The following EPHA6 variants were observed in gnomAD, a reference collection of about 807,000 sequenced individuals.
EPHA6 encodes EPH receptor A6, also known as ephrin type-A receptor 6.
In EPHA6, 50 loss-of-function variants were observed where a neutral mutation model predicts 112.0. That is an observed-to-expected ratio of 0.45 (90% CI 0.36 to 0.56). The LOEUF (loss-of-function observed/expected upper bound fraction) is 0.56. Among genes scored for constraint, EPHA6 ranks in the 20% least tolerant of loss-of-function variants. EPHA6 has a pLI of 0.00. For synonymous variants in EPHA6, 529 were observed against 490.7 expected, an observed-to-expected ratio of 1.08 and a Z score of -1.03; for missense variants, 1,280 against 1,417.4, an observed-to-expected ratio of 0.90 and a Z score of 1.56.
chr3:97,071,434 A>G (rs1298139753), intron 3 of EPHA6, among the ~76,000 whole-genome samples: 1 of 152,070 alleles, frequency 6.6e-6, no homozygotes, highest in Non-Finnish European at 1.5e-5. Context: ...AAGAGGTTTA[A>G]TTGGACTTAC....
At chr3:97,657,541 T>C (rs2094144464) in intron 14 of EPHA6, among the ~76,000 whole-genome samples, 1 of 151,880 alleles carries the variant, frequency 6.6e-6, no homozygotes, top group South Asian at 2.1e-4. Context: ...TAATCTCAGC[T>C]TGGCCATAAT....
intron 2 of EPHA6, among the ~76,000 whole-genome samples, chr3:96,949,640 A>G (rs1336704022): frequency 6.6e-6 from 1 of 152,182 alleles, no homozygotes; most frequent in Non-Finnish European, 1.5e-5. Flanking sequence ...ATTAAAAGGT[A>G]GGCAATGTGT....
At chr3:96,967,987 T>C (rs1465599147) in intron 2 of EPHA6, among the ~76,000 whole-genome samples, 1 of 151,966 alleles carries the variant, frequency 6.6e-6, no homozygotes, top group East Asian at 1.9e-4. Context: ...CTTTGTCTTC[T>C]GTTATGAGCT....
chr3:97,573,668 G>A (rs1424335912), intron 11 of EPHA6, among the ~76,000 whole-genome samples: 2 of 151,954 alleles, frequency 1.3e-5, no homozygotes, highest in African/African-American at 4.8e-5. Flanking sequence ...ATGTATACAT[G>A]TGCCAGAGAT....
intron 14 of EPHA6, chr3:97,646,263 A>G: frequency 6.5e-7 from 1 of 1,534,488 alleles, no homozygotes; most frequent in East Asian, 2.4e-5. Context: ...CATGGGAGCC[A>G]GTGGCCAGAC....
chr3:97,648,600 T>C, intron 14 of EPHA6: 8 of 1,153,148 alleles, frequency 6.9e-6, no homozygotes, highest in Non-Finnish European at 8.5e-6. Context: ...AGTACTTTCA[T>C]TAACATGAGT....
At chr3:97,146,458 A>G (rs995238572) in intron 3 of EPHA6, among the ~76,000 whole-genome samples, 28 of 151,848 alleles carry the variant, frequency 1.8e-4, no homozygotes, top group African/African-American at 6.5e-4. Context: ...CTTGTTTCCA[A>G]TAATCATAAG....
At chr3:97,073,517 G>T (rs549762696) in intron 3 of EPHA6, among the ~76,000 whole-genome samples, 1 of 152,162 alleles carries the variant, frequency 6.6e-6, no homozygotes, top group East Asian at 1.9e-4. Flanking sequence ...TACTTAGACT[G>T]CACAGGGAAA....
At chr3:97,303,248 A>G (rs1317682510) in intron 5 of EPHA6, among the ~76,000 whole-genome samples, 1 of 152,028 alleles carries the variant, frequency 6.6e-6, no homozygotes, top group African/African-American at 2.4e-5. Flanking sequence ...AGCAAACATT[A>G]TTTAAAATAT....
intron 12 of EPHA6, among the ~76,000 whole-genome samples, chr3:97,596,149 C>A (rs527447031): frequency 6.6e-6 from 1 of 152,170 alleles, no homozygotes; most frequent in African/African-American, 2.4e-5. Context: ...TCATGATCCG[C>A]CCGCCTCTGC....
intron 1 of EPHA6, among the ~76,000 whole-genome samples, chr3:96,829,281 T>C (rs1459133986): frequency 6.6e-6 from 1 of 152,150 alleles, no homozygotes; most frequent in Non-Finnish European, 1.5e-5. Context: ...TTACCCCACA[T>C]AGTCCAGAAG....
chr3:97,760,345 T>C lies in EPHA6; in HGVS notation c.*11644T>C, dbSNP rs1008108012. The C allele has an allele frequency of 1.9e-5, 3 of 157,454 alleles. No homozygotes were observed. The highest frequency in any genetic ancestry group is 4.1e-5 in the Non-Finnish European group (3 of 73,124). The allele number at this position is 157,454 out of a possible 1,614,324, so 9.8% of individuals were successfully genotyped here. The stretch of plus-strand genomic sequence containing the variant: ...TGCTTTGTTTCTGGAGATATATATA[T>C]ATATATTATATATATGTATATATAC... On this transcript the variant is annotated 3_prime_UTR_variant, in exon 18 of 18. Transcript: ENST00000389672.
At chr3:97,660,381 A>G (rs1452774463) in intron 14 of EPHA6, among the ~76,000 whole-genome samples, 1 of 152,114 alleles carries the variant, frequency 6.6e-6, no homozygotes, top group African/African-American at 2.4e-5. Flanking sequence ...CACATTGGAA[A>G]GAAATGAAGT....
intron 6 of EPHA6, among the ~76,000 whole-genome samples, chr3:97,417,391 C>T (rs1032926935): frequency 4.6e-5 from 7 of 151,988 alleles, no homozygotes; most frequent in Non-Finnish European, 5.9e-5. Context: ...CGATTTCTTA[C>T]TCCTGAACTC....
chr3:96,994,709 G>GTGTGTATATATATATATATATA (rs1363786371), intron 3 of EPHA6, among the ~76,000 whole-genome samples: 1 of 98,440 alleles, frequency 1.0e-5, no homozygotes, highest in African/African-American at 5.4e-5. Context: ...GTGTGTGTGT[G>GTGTGTATATATATATATATATA]TATATATATA....
intron 5 of EPHA6, among the ~76,000 whole-genome samples, chr3:97,319,696 AAAC>A (rs2082014662): frequency 6.6e-6 from 1 of 151,156 alleles, no homozygotes; most frequent in Non-Finnish European, 1.5e-5. Flanking sequence ...AACAAAAAAA[AAAC>A]AACACCAAAA....
intron 11 of EPHA6, among the ~76,000 whole-genome samples, chr3:97,548,484 T>G (rs927256737): frequency 1.3e-5 from 2 of 152,224 alleles, no homozygotes; most frequent in Non-Finnish European, 2.9e-5. Flanking sequence ...CTCAAACTTT[T>G]GTGCACTAAT....
At chr3:97,288,721 G>A (rs2873572) in intron 5 of EPHA6, among the ~76,000 whole-genome samples, 30,124 of 151,436 alleles carry the variant, frequency 0.2, 6,757 homozygotes, top group African/African-American at 0.53. Context: ...TGTACTATGC[G>A]GCCTCACTAG....
chr3:97,037,837 G>A (rs1272507981), intron 3 of EPHA6, among the ~76,000 whole-genome samples: 1 of 152,016 alleles, frequency 6.6e-6, no homozygotes, highest in African/African-American at 2.4e-5. Context: ...GGAAAATAAT[G>A]TTTGCAGAAG....
Sources: allele counts gnomAD v4.1 joint callset (sites outside exome capture counted in the v4.1 genomes callset), GRCh38; gene constraint gnomAD v4.1.1; transcripts MANE v1.5; gene names NCBI Gene and HGNC (gene_info 2026-07-23, HGNC 2026-07-21).